ADGRD1: variants seen among roughly 807,000 people sequenced by gnomAD.
ADGRD1 encodes the protein adhesion G protein-coupled receptor D1, also known as G-protein coupled receptor 133.
A neutral mutation model predicts 113.4 loss-of-function variants in ADGRD1; 77 were observed. The observed-to-expected ratio is 0.68, with a 90% CI of 0.57 to 0.82. ADGRD1 has a LOEUF of 0.82. Among genes scored for constraint, ADGRD1 ranks in the 40% least tolerant of loss-of-function variants. The pLI, the probability that ADGRD1 is intolerant of heterozygous loss-of-function variation, is 0.00. For synonymous variants in ADGRD1, 474 were observed against 475.0 expected (o/e 1.00, Z 0.03); for missense variants, 1,036 against 1,139.1 (o/e 0.91, Z 1.30).
At chr12:131,129,317 G>A (rs1227066635) in intron 20 of ADGRD1, among the ~76,000 whole-genome samples, 1 of 143,168 alleles carries the variant, frequency 7.0e-6, no homozygotes, top group Non-Finnish European at 1.5e-5. Flanking sequence ...CTGCTGTCTG[G>A]GTGTGAGTGA....
chr12:131,133,480 G>C (rs749729523), intron 21 of ADGRD1, among the ~76,000 whole-genome samples: 9 of 152,206 alleles, frequency 5.9e-5, no homozygotes, highest in Non-Finnish European at 1.0e-4. Context: ...GTGAAGGCTC[G>C]AGGTAGCGTG....
intron 13 of ADGRD1, among the ~76,000 whole-genome samples, chr12:131,034,811 C>T (rs77237386): frequency 0.025 from 3,760 of 152,236 alleles, 132 homozygotes; most frequent in African/African-American, 0.085. Context: ...GTCACGTCAC[C>T]TTGGAAATGT....
In ADGRD1 at chr12:130,954,602, C is replaced by T; in HGVS notation, c.67-22C>T. 6.2e-7 allele frequency: 1 copy of T among 1,614,088 alleles called. No homozygotes were observed. The highest frequency in any genetic ancestry group is 8.5e-7 in the Non-Finnish European group (1 of 1,179,960). On this transcript the variant is annotated intron_variant, in intron 1 of 24. Coordinates refer to ENST00000261654, the MANE Select transcript of ADGRD1 (RefSeq NM_198827.5). The surrounding 1 kb of genome is among the most constrained non-coding windows in gnomAD (Gnocchi z 4.7). ...GGAGGCTTTCCCTGAGTGTGTCTCA[C>T]ACTGTGGTCTTTTGTGCGCAGGTGC...
chr12:131,051,133 C>CCACGTCCTGCCTCAGACGGG (rs1883346615), intron 13 of ADGRD1, among the ~76,000 whole-genome samples: 1 of 152,226 alleles, frequency 6.6e-6, no homozygotes, highest in South Asian at 2.1e-4. Context: ...CAGATCTGAA[C>CCACGTCCTGCCTCAGACGGG]CACGTCCTGC....
At chr12:131,108,142 C>A (rs1950273524) in intron 17 of ADGRD1, among the ~76,000 whole-genome samples, 1 of 152,216 alleles carries the variant, frequency 6.6e-6, no homozygotes, top group Admixed American at 6.5e-5. Flanking sequence ...TGTCCCTGAG[C>A]CCTATTGAGG....
chr12:131,101,567 T>C (rs1392953596), intron 15 of ADGRD1, among the ~76,000 whole-genome samples: 2 of 151,834 alleles, frequency 1.3e-5, no homozygotes, highest in Non-Finnish European at 2.9e-5. Flanking sequence ...TTTGTATTTT[T>C]AGGAGAGACG....
At chr12:131,044,990 C>T (rs1258960907) in intron 13 of ADGRD1, among the ~76,000 whole-genome samples, 1 of 152,252 alleles carries the variant, frequency 6.6e-6, no homozygotes, top group Non-Finnish European at 1.5e-5. Flanking sequence ...GCGTGGTGCT[C>T]GGGAGCGCCT....
intron 8 of ADGRD1, among the ~76,000 whole-genome samples, chr12:130,995,091 G>A (rs186237191): frequency 6.6e-6 from 1 of 152,364 alleles, no homozygotes; most frequent in East Asian, 1.9e-4. Context: ...CCACCCAGCA[G>A]GTCCCTGAAC....
intron 15 of ADGRD1, among the ~76,000 whole-genome samples, chr12:131,098,819 A>G (rs1342321331): frequency 2.0e-5 from 3 of 152,192 alleles, no homozygotes; most frequent in East Asian, 1.9e-4. Flanking sequence ...CCCCACTGCA[A>G]TGAGACTTCC....
Position 131,003,059 on chromosome 12 carries a change from T to A in ADGRD1, c.1027-126T>A. 1.3e-6 allele frequency: 1 copy of A among 797,030 alleles called. No homozygotes were observed. The allele number at this position is 797,030 out of a possible 1,614,324, so 49.4% of individuals were successfully genotyped here. On this transcript the variant is annotated intron_variant, in intron 9 of 24. Transcript: ENST00000261654. This position sits in a 1 kb window ranked among gnomAD's most constrained non-coding sequence, Gnocchi z 4.8. The stretch of plus-strand genomic sequence containing the variant: ...CTCCTGATCCATGGGAAGGGGCAGT[T>A]GTGTGACTTCTTCCTCCCTCGTGGC...
chr12:131,020,064 C>T (rs1256836146), intron 13 of ADGRD1, among the ~76,000 whole-genome samples: 1 of 84,164 alleles, frequency 1.2e-5, no homozygotes, highest in Non-Finnish European at 2.5e-5. Context: ...GGAAGGACCC[C>T]GAGCTCCGTC....
At chr12:131,008,041 G>C (rs1015237397) in intron 12 of ADGRD1, among the ~76,000 whole-genome samples, 1 of 152,230 alleles carries the variant, frequency 6.6e-6, no homozygotes, top group Non-Finnish European at 1.5e-5. Context: ...CCCTGGGCAA[G>C]TGACTTGAGC....
At chr12:131,002,885 G>A in intron 9 of ADGRD1, 1 of 1,089,738 alleles carries the variant, frequency 9.2e-7, no homozygotes, top group Non-Finnish European at 1.2e-6. Flanking sequence ...GTGAGTTCAG[G>A]GAGGAGGCAG....
intron 13 of ADGRD1, among the ~76,000 whole-genome samples, chr12:131,021,414 T>C (rs1879301097): frequency 6.6e-6 from 1 of 152,120 alleles, no homozygotes; most frequent in Admixed American, 6.5e-5. Context: ...TTGTGGAGCA[T>C]CCCTGGTCAC....
At chr12:131,102,595 G>A (rs1950113998) in intron 15 of ADGRD1, among the ~76,000 whole-genome samples, 1 of 152,142 alleles carries the variant, frequency 6.6e-6, no homozygotes, top group African/African-American at 2.4e-5. Flanking sequence ...GGGCAGAGTC[G>A]GTGTGAGTTC....
In ADGRD1 at chr12:131,101,129, G is replaced by A. The variant is rs977554650; in HGVS notation, c.1672-3702G>A. Among the ~76,000 whole-genome samples the A allele has an allele frequency of 5.3e-5, 8 of 152,094 alleles. No individual in the cohort carries two copies. The South Asian group carries it at 6.2e-4, about 12-fold the overall frequency. On this transcript the variant is annotated intron_variant, in intron 15 of 24. Transcript: ENST00000261654. The stretch of plus-strand genomic sequence containing the variant: ...ATGCCCCATGAAATGCAGCTATGGT[G>A]TCCGAGAGTGATATGCATCCCTCTG...
intron 4 of ADGRD1, among the ~76,000 whole-genome samples, chr12:130,973,896 T>C (rs1479698503): frequency 6.6e-6 from 1 of 151,962 alleles, no homozygotes; most frequent in African/African-American, 2.4e-5. Flanking sequence ...GAGACCAGCC[T>C]CGGCAACACA....
rs1878308673 is a variant in ADGRD1 at position 131,014,360 on chromosome 12, C to A, written c.1473+20C>A. On this transcript the variant is annotated intron_variant, in intron 13 of 24. Coordinates refer to ENST00000261654, the MANE Select transcript of ADGRD1 (RefSeq NM_198827.5). Reference sequence around the variant, plus strand: ...AGATTGGTGAGTGGCGGTGCCTTCACCCTTGTCGCCGCCTTTGATCTGGTT... The same window carrying A: ...AGATTGGTGAGTGGCGGTGCCTTCAACCTTGTCGCCGCCTTTGATCTGGTT... 1.9e-6 allele frequency: 3 copies of A among 1,600,294 alleles called. No homozygotes were observed. In the South Asian group the frequency reaches 3.3e-5, roughly 18 times the overall value.
chr12:131,043,114 G>A (rs994194449), intron 13 of ADGRD1, among the ~76,000 whole-genome samples: 3 of 152,214 alleles, frequency 2.0e-5, no homozygotes, highest in Admixed American at 6.5e-5. Flanking sequence ...TGAGCAAAGA[G>A]CAAAGTGCAG....
Sources: allele counts gnomAD v4.1 joint callset (sites outside exome capture counted in the v4.1 genomes callset), GRCh38; gene constraint gnomAD v4.1.1; non-coding constraint Gnocchi (gnomAD v3.1); transcripts MANE v1.5; gene names NCBI Gene and HGNC (gene_info 2026-07-23, HGNC 2026-07-21).